Variants in ARMH3 observed in about 807,000 individuals in gnomAD.
ARMH3 encodes armadillo-like helical domain-containing protein 3.
A neutral mutation model predicts 99.1 loss-of-function variants in ARMH3; 60 were observed. The observed-to-expected ratio is 0.61, with a 90% CI of 0.49 to 0.75. The LOEUF (loss-of-function observed/expected upper bound fraction) is 0.75. ARMH3 is among the 30% of genes least tolerant of loss of function. The pLI is 0.00. For synonymous variants in ARMH3, 285 were observed against 292.8 expected (o/e 0.97, Z 0.27); for missense variants, 679 against 843.1 (o/e 0.81, Z 2.41).
At chr10:101,927,082 T>C (rs1001278979) in intron 23 of ARMH3, among the ~76,000 whole-genome samples, 4 of 152,198 alleles carry the variant, frequency 2.6e-5, no homozygotes, top group Admixed American at 2.0e-4. Context: ...TTTTGATGCT[T>C]ACCTAAAGAA....
chr10:101,914,136 G>A (rs1842980106), intron 23 of ARMH3, among the ~76,000 whole-genome samples: 1 of 152,126 alleles, frequency 6.6e-6, no homozygotes, highest in South Asian at 2.1e-4. Flanking sequence ...GAAGTGCTGT[G>A]TATCTATTAT....
intron 23 of ARMH3, among the ~76,000 whole-genome samples, chr10:101,919,364 A>G (rs145855591): frequency 1.3e-5 from 2 of 152,224 alleles, no homozygotes; most frequent in East Asian, 3.9e-4. Flanking sequence ...CACATTAGCT[A>G]AGGCTATCTT....
intron 23 of ARMH3, among the ~76,000 whole-genome samples, chr10:101,939,403 C>T (rs926093354): frequency 2.6e-5 from 4 of 152,206 alleles, no homozygotes; most frequent in Non-Finnish European, 5.9e-5. Context: ...AATTGTCTTG[C>T]TGTTTCATAA....
intron 8 of ARMH3, among the ~76,000 whole-genome samples, chr10:102,020,858 A>G (rs2066869544): frequency 6.6e-6 from 1 of 151,346 alleles, no homozygotes; most frequent in South Asian, 2.1e-4. Context: ...AAAAAAAAAA[A>G]AAAAAAAAGT....
chr10:101,905,606 AT>A (rs2068083458), intron 23 of ARMH3, among the ~76,000 whole-genome samples: 1 of 152,206 alleles, frequency 6.6e-6, no homozygotes, highest in Non-Finnish European at 1.5e-5. Flanking sequence ...GAGGTATGAA[AT>A]TTGAGACTCT....
At chr10:101,892,023 G>A (rs2067704171) in intron 23 of ARMH3, among the ~76,000 whole-genome samples, 1 of 151,858 alleles carries the variant, frequency 6.6e-6, no homozygotes, top group South Asian at 2.1e-4. Context: ...GAGGTGGGAG[G>A]ATCACTTAAG....
chr10:101,936,329 T>C (rs1843973226), intron 23 of ARMH3, among the ~76,000 whole-genome samples: 1 of 151,422 alleles, frequency 6.6e-6, no homozygotes, highest in African/African-American at 2.4e-5. Flanking sequence ...CCATCTCTAC[T>C]AAAAATACAA....
intron 24 of ARMH3, among the ~76,000 whole-genome samples, chr10:101,863,324 A>T (rs2066917007): frequency 6.6e-6 from 1 of 152,244 alleles, no homozygotes; most frequent in Non-Finnish European, 1.5e-5. Flanking sequence ...TTGTAATGAT[A>T]AAGAGGTCTA....
chr10:101,966,806 C>T (rs1264156475), intron 20 of ARMH3, among the ~76,000 whole-genome samples: 1 of 152,162 alleles, frequency 6.6e-6, no homozygotes, highest in Non-Finnish European at 1.5e-5. Flanking sequence ...TTCTCCAGGA[C>T]TAAAACCTGT....
intron 24 of ARMH3, among the ~76,000 whole-genome samples, chr10:101,880,860 C>G (rs2067397661): frequency 6.6e-6 from 1 of 152,142 alleles, no homozygotes; most frequent in South Asian, 2.1e-4. Context: ...AACTGGGGTT[C>G]TCCTCTTATG....
At chr10:102,038,502 C>T (rs1388350283) in intron 2 of ARMH3, among the ~76,000 whole-genome samples, 2 of 152,076 alleles carry the variant, frequency 1.3e-5, no homozygotes, top group Admixed American at 6.6e-5. Flanking sequence ...CAAGGCTTGC[C>T]AAAGTTAGGT....
Position 101,982,021 on chromosome 10 carries a change from CAAAAAAAAAAA to C in ARMH3, c.1407-6732_1407-6722del, listed in dbSNP as rs71016356. Among the ~76,000 whole-genome samples the C allele has an allele frequency of 1.0e-4, 6 of 58,998 alleles. 1 individual carries two copies. Among genetic ancestry groups the C allele is most frequent in the African/African-American group, 4.0e-4 (5 of 12,402 alleles). 38.7% of individuals were successfully genotyped at this position (58,998 alleles called of 152,430 possible). A position where few individuals can be genotyped will look rare whatever the true frequency, so the allele number is the denominator to read the frequency against. ...TGGGCGACAGAGCGAGACTCTATCT[CAAAAAAAAAAA>C]AAAAAAAAAAAACAAAGACTGGGGT... On this transcript the variant is annotated intron_variant, in intron 19 of 25. Transcript: ENST00000370033.
chr10:101,987,167 T>C (rs1324877488), intron 19 of ARMH3, among the ~76,000 whole-genome samples: 2 of 152,136 alleles, frequency 1.3e-5, no homozygotes, highest in Non-Finnish European at 2.9e-5. Flanking sequence ...ATCCACTTAA[T>C]CTTGGGCAAG....
chr10:101,901,353 G>A (rs76568875), intron 23 of ARMH3, among the ~76,000 whole-genome samples: 4 of 152,006 alleles, frequency 2.6e-5, no homozygotes, highest in Non-Finnish European at 5.9e-5. Context: ...TCCATCCCAG[G>A]GGGACCTTTT....
intron 23 of ARMH3, among the ~76,000 whole-genome samples, chr10:101,899,324 G>C (rs1215532905): frequency 6.6e-6 from 1 of 152,080 alleles, no homozygotes; most frequent in African/African-American, 2.4e-5. Flanking sequence ...CATCATATTC[G>C]TAATTGCTTT....
chr10:101,918,064 T>G (rs548618012), intron 23 of ARMH3, among the ~76,000 whole-genome samples: 15 of 152,268 alleles, frequency 9.9e-5, no homozygotes, highest in South Asian at 6.2e-4. Flanking sequence ...TTGTTTGTTT[T>G]TTTAGACAGA....
chr10:102,025,852 A>G (rs2066988999), intron 5 of ARMH3, among the ~76,000 whole-genome samples: 1 of 151,914 alleles, frequency 6.6e-6, no homozygotes, highest in African/African-American at 2.4e-5. Context: ...AGGTCTCGCC[A>G]TGTTGCCCAG....
intron 24 of ARMH3, among the ~76,000 whole-genome samples, chr10:101,858,594 A>T (rs957603047): frequency 5.9e-5 from 9 of 152,168 alleles, no homozygotes; most frequent in Non-Finnish European, 1.2e-4. Context: ...ATCCATAAAT[A>T]AAAAAATTCC....
At chr10:101,984,724 A>G (rs1277901145) in intron 19 of ARMH3, among the ~76,000 whole-genome samples, 1 of 151,958 alleles carries the variant, frequency 6.6e-6, no homozygotes, top group African/African-American at 2.4e-5. Context: ...AATTTATACT[A>G]TTTATCAAGC....
Sources: gnomAD v4.1 joint callset for allele counts (sites outside exome capture counted in the v4.1 genomes callset) on GRCh38, gnomAD v4.1.1 for gene constraint, MANE v1.5 for transcripts, NCBI Gene and HGNC (gene_info 2026-07-23, HGNC 2026-07-21) for gene names.